PCDHGB1: variants seen among roughly 807,000 people sequenced by gnomAD.
PCDHGB1 encodes the protein protocadherin gamma-B1.
In PCDHGB1, 34 loss-of-function variants were observed where a neutral mutation model predicts 56.6. The observed-to-expected ratio is 0.60, with a 90% CI of 0.46 to 0.80. The LOEUF (loss-of-function observed/expected upper bound fraction) is 0.80. Among genes scored for constraint, PCDHGB1 ranks in the 30% least tolerant of loss-of-function variants. The pLI is 0.00. For synonymous variants in PCDHGB1, 561 were observed against 505.9 expected (o/e 1.11, Z -1.46); for missense variants, 1,278 against 1,204.6 (o/e 1.06, Z -0.90).
Position 141,511,066 on chromosome 5 carries a change from C to T in PCDHGB1, c.2677C>T (p.Pro893Ser). Residue 893 changes from proline to serine, a missense_variant, in exon 4 of 4, where the codon CCA (proline) becomes TCA (serine). Physicochemically the swap from Pro to Ser is moderately conservative, Grantham distance 74. Transcript: ENST00000523390. The part of the protein sequence containing the change: ...VPDYRQNVYI[P>S]GSNATLTNAA... ...CGACTACCGCCAGAATGTCTACATC[C>T]CAGGCAGCAATGCCACACTGACCAA... 1.2e-6 allele frequency: 2 copies of T among 1,614,230 alleles called. No individual in the cohort carries two copies. Among genetic ancestry groups the T allele is most frequent in the Non-Finnish European group, 1.7e-6 (2 of 1,180,036 alleles).
intron 1 of PCDHGB1, chr5:141,416,678 G>T (rs2096051953): frequency 6.6e-6 from 1 of 151,990 alleles, no homozygotes; most frequent in Non-Finnish European, 1.5e-5. Flanking sequence ...TGCAACGAAG[G>T]GAAATTATAT....
Position 141,352,551 on chromosome 5 carries a change from T to C in PCDHGB1, c.2291T>C (p.Leu764Pro), listed in dbSNP as rs1484372863. The C allele has an allele frequency of 5.6e-6, 9 of 1,613,846 alleles. No individual in the cohort carries two copies. Among genetic ancestry groups the C allele is most frequent in the Non-Finnish European group, 7.6e-6 (9 of 1,179,894 alleles). Reference sequence around the variant, plus strand: ...TCTGCAAAGACAGAGTTTAATTCTCTCAACCTGACACCGGAAATGGCTCCC... The same window carrying C: ...TCTGCAAAGACAGAGTTTAATTCTCCCAACCTGACACCGGAAATGGCTCCC... ...SHSAKTEFNS[L>P]NLTPEMAPPQ... Residue 764 changes from leucine to proline, a missense_variant, in exon 1 of 4, where the codon CTC (leucine) becomes CCC (proline). Physicochemically the swap from Leu to Pro is moderately conservative, Grantham distance 98. Coordinates refer to ENST00000523390, the MANE Select transcript of PCDHGB1 (RefSeq NM_018922.3).
Position 141,431,709 on chromosome 5 carries a change from T to G in PCDHGB1, c.2410-63098T>G, listed in dbSNP as rs1561854893. ...CACGAGGAGTCAGGATTCTACCAGA[T>G]GGAAGTGCAAGCAATGGATAATGCA... On this transcript the variant is annotated intron_variant, in intron 1 of 3. Coordinates refer to ENST00000523390, the MANE Select transcript of PCDHGB1 (RefSeq NM_018922.3). The surrounding 1 kb of genome is among the most constrained non-coding windows in gnomAD (Gnocchi z 4.8). The G allele has an allele frequency of 6.2e-7, 1 of 1,614,168 alleles. No individual in the cohort carries two copies. Among genetic ancestry groups the G allele is most frequent in the Middle Eastern group, 1.6e-4 (1 of 6,062 alleles).
chr5:141,408,053 TC>T, intron 1 of PCDHGB1: 1 of 1,288,090 alleles, frequency 7.8e-7, no homozygotes, highest in South Asian at 1.6e-5. Context: ...ACACAGAGCC[TC>T]CCGGCTGCGC....
intron 1 of PCDHGB1, chr5:141,378,778 C>G (rs962575356): frequency 6.6e-5 from 10 of 152,270 alleles, no homozygotes; most frequent in Middle Eastern, 3.4e-3. Flanking sequence ...ACTGATTAGT[C>G]TTATTTATTA....
At chr5:141,376,467 A>C in intron 1 of PCDHGB1, 3 of 1,614,180 alleles carry the variant, frequency 1.9e-6, no homozygotes, top group Non-Finnish European at 2.5e-6. Flanking sequence ...CTGATAACTC[A>C]GGATTTACTT....
chr5:141,428,186 C>CCGCTCTCTG, intron 1 of PCDHGB1: 2 of 1,460,956 alleles, frequency 1.4e-6, no homozygotes, highest in Non-Finnish European at 1.9e-6. Flanking sequence ...AGGACAGCCG[C>CCGCTCTCTG]CGCTCTCTGC....
intron 1 of PCDHGB1, among the ~76,000 whole-genome samples, chr5:141,492,394 G>C (rs2099740158): frequency 6.6e-6 from 1 of 152,220 alleles, no homozygotes; most frequent in African/African-American, 2.4e-5. Context: ...CGGTCCACTC[G>C]CAGCTCCCCT....
At chr5:141,450,008 T>C (rs78952430) in intron 1 of PCDHGB1, among the ~76,000 whole-genome samples, 2 of 37,390 alleles carry the variant, frequency 5.3e-5, no homozygotes, top group African/African-American at 6.8e-4. Flanking sequence ...CCATGTCTCT[T>C]TTTTTTTTTT....
intron 1 of PCDHGB1, among the ~76,000 whole-genome samples, chr5:141,434,448 G>A (rs2097694852): frequency 6.6e-6 from 1 of 152,210 alleles, no homozygotes; most frequent in Non-Finnish European, 1.5e-5. Context: ...CATGCTGGAA[G>A]GTAGTGGGTT....
intron 1 of PCDHGB1, chr5:141,360,894 G>A (rs1262954387): frequency 6.2e-7 from 1 of 1,613,912 alleles, no homozygotes; most frequent in Non-Finnish European, 8.5e-7. Context: ...CCCTGAGGGA[G>A]GACGTGCCGC....
Position 141,432,010 on chromosome 5 carries a change from CT to C in PCDHGB1, c.2410-62796del. The C allele has an allele frequency of 6.2e-7, 1 of 1,614,068 alleles. No individual in the cohort carries two copies. Among genetic ancestry groups the C allele is most frequent in the Non-Finnish European group, 8.5e-7 (1 of 1,180,022 alleles). ...TCTTGGATAGGGAACAGGTTCCTAG[CT>C]ACAACATCACAGTGACCGCCACTGA... On this transcript the variant is annotated intron_variant, in intron 1 of 3. Coordinates refer to ENST00000523390, the MANE Select transcript of PCDHGB1 (RefSeq NM_018922.3). This position sits in a 1 kb window ranked among gnomAD's most constrained non-coding sequence, Gnocchi z 6.0.
At position 141,360,986 on chromosome 5, in the gene PCDHGB1, T is replaced by C. The variant is rs540455461; in HGVS notation, c.2409+8317T>C. 1.9e-6 allele frequency: 3 copies of C among 1,613,732 alleles called. No homozygotes were observed. In the South Asian group the frequency reaches 3.3e-5, roughly 18 times the overall value. On this transcript the variant is annotated intron_variant, in intron 1 of 3. Transcript: ENST00000523390. ...GAGATCACCTACTCCTTTCATAATG[T>C]GGACGAACAAGTGAAACACTTTTTC... is the stretch of plus-strand genomic sequence containing the variant.
At chr5:141,395,174 AAATGATT>A in intron 1 of PCDHGB1, 1 of 1,614,220 alleles carries the variant, frequency 6.2e-7, no homozygotes, top group Non-Finnish European at 8.5e-7. Flanking sequence ...GCTGTGAGAA[AAATGATT>A]CTTTGTTAAC....
Position 141,404,841 on chromosome 5 carries a change from G to A in PCDHGB1, c.2409+52172G>A, listed in dbSNP as rs765291212. The stretch of plus-strand genomic sequence containing the variant: ...CACACAGGTGAAGTGCGCACAGCTC[G>A]GGCCCTGCTAGATAGAGATGCGCTC... On this transcript the variant is annotated intron_variant, in intron 1 of 3. Coordinates refer to ENST00000523390, the MANE Select transcript of PCDHGB1 (RefSeq NM_018922.3). 1.1e-5 allele frequency: 17 copies of A among 1,613,886 alleles called. No individual in the cohort carries two copies. Among genetic ancestry groups the A allele is most frequent in the Non-Finnish European group, 1.4e-5 (16 of 1,179,920 alleles).
rs1562052190 is a variant in PCDHGB1, at chr5:141,476,218, CTA to C, written c.2410-18587_2410-18586del. The C allele has an allele frequency of 6.2e-7, 1 of 1,613,984 alleles. No individual in the cohort carries two copies. The highest frequency in any genetic ancestry group is 8.5e-7 in the Non-Finnish European group (1 of 1,180,024). ...TGAACAAGGCTTCCACGGTCATTCA[CTA>C]TGAGATCCCGGAGGAAAGAGAGAAG... On this transcript the variant is annotated intron_variant, in intron 1 of 3. Coordinates refer to ENST00000523390, the MANE Select transcript of PCDHGB1 (RefSeq NM_018922.3). This position sits in a 1 kb window ranked among gnomAD's most constrained non-coding sequence, Gnocchi z 7.6.
chr5:141,472,770 G>C (rs953423129), intron 1 of PCDHGB1, among the ~76,000 whole-genome samples: 5 of 152,046 alleles, frequency 3.3e-5, no homozygotes, highest in Admixed American at 6.6e-5. Flanking sequence ...CAGATCACCT[G>C]AGGTTGGGAG....
chr5:141,393,003 G>A (rs1202314944), intron 1 of PCDHGB1: 1 of 1,613,882 alleles, frequency 6.2e-7, no homozygotes, highest in East Asian at 2.2e-5. Flanking sequence ...GAAGCACGGA[G>A]TCCGTATCGT....
intron 1 of PCDHGB1, chr5:141,403,769 A>G (rs2094453064): frequency 6.2e-7 from 1 of 1,613,948 alleles, no homozygotes; most frequent in Non-Finnish European, 8.5e-7. Context: ...GGATGAGGGA[A>G]TCAACGGAAA....
Sources: gnomAD v4.1 joint callset for allele counts (sites outside exome capture counted in the v4.1 genomes callset) on GRCh38, gnomAD v4.1.1 for gene constraint, Gnocchi (gnomAD v3.1) non-coding constraint, MANE v1.5 for transcripts, NCBI Gene and HGNC (gene_info 2026-07-23, HGNC 2026-07-21) for gene names.